The following SGMS1 variants were observed in gnomAD, a reference collection of about 807,000 sequenced individuals.
SGMS1 encodes sphingomyelin synthase 1, also known as phosphatidylcholine:ceramide cholinephosphotransferase 1.
SGMS1 carries 13 observed loss-of-function variants against 46.2 expected under a neutral mutation model. The observed-to-expected ratio is 0.28, with a 90% CI of 0.18 to 0.45. The LOEUF (loss-of-function observed/expected upper bound fraction) is 0.45, where lower values mean the gene tolerates loss of function less well. Ranked by LOEUF, SGMS1 falls within the 20% of genes least tolerant of loss-of-function variation. The probability of loss-of-function intolerance (pLI) is 1.00; values close to 1 mark genes in which losing one functional copy is unlikely to be tolerated. For missense variants in SGMS1, 324 were observed against 519.9 expected (o/e 0.62, Z 3.66); for synonymous variants, 203 against 187.8 (o/e 1.08, Z -0.66).
chr10:50,611,768 A>G (rs1398293746), intron 1 of SGMS1, among the ~76,000 whole-genome samples: 1 of 151,770 alleles, frequency 6.6e-6, no homozygotes, highest in African/African-American at 2.4e-5. Context: ...GTGCACCTTC[A>G]TCCCTGCCGC....
chr10:50,602,482 T>C (rs137915311), intron 1 of SGMS1, among the ~76,000 whole-genome samples: 7 of 152,260 alleles, frequency 4.6e-5, no homozygotes, highest in African/African-American at 1.2e-4. Flanking sequence ...TCTTTTTGTG[T>C]GTTATATCAG....
chr10:50,525,594 T>C (rs1413084934), intron 2 of SGMS1, among the ~76,000 whole-genome samples: 1 of 152,174 alleles, frequency 6.6e-6, no homozygotes, highest in Non-Finnish European at 1.5e-5. Context: ...CTACACTTCT[T>C]GGGAAAATTG....
intron 6 of SGMS1, among the ~76,000 whole-genome samples, chr10:50,344,870 C>CA (rs71856483): frequency 0.18 from 25,640 of 142,238 alleles, 2,435 homozygotes; most frequent in African/African-American, 0.27. Flanking sequence ...GATTCCTTCT[C>CA]AAAAAAAAAA....
chr10:50,413,493 A>G (rs1035647530), intron 6 of SGMS1, among the ~76,000 whole-genome samples: 4 of 152,252 alleles, frequency 2.6e-5, no homozygotes, highest in Non-Finnish European at 5.9e-5. Context: ...AAATACATAC[A>G]TTGAACTTGT....
chr10:50,411,996 G>C (rs1025053444), intron 6 of SGMS1, among the ~76,000 whole-genome samples: 1 of 152,178 alleles, frequency 6.6e-6, no homozygotes, highest in African/African-American at 2.4e-5. Context: ...TTTCATCTGT[G>C]CGCCAGTCAC....
chr10:50,446,157 C>G (rs1027405922), intron 5 of SGMS1, among the ~76,000 whole-genome samples: 1 of 152,078 alleles, frequency 6.6e-6, no homozygotes, highest in Non-Finnish European at 1.5e-5. Flanking sequence ...AATTTTGCCC[C>G]GGTCCTCTGA....
chr10:50,345,059 A>G (rs1847894038), intron 6 of SGMS1, among the ~76,000 whole-genome samples: 1 of 152,122 alleles, frequency 6.6e-6, no homozygotes, highest in Non-Finnish European at 1.5e-5. Flanking sequence ...AAAAATGTAC[A>G]TAACATACAG....
chr10:50,587,458 C>A (rs1838494799), intron 2 of SGMS1, among the ~76,000 whole-genome samples: 1 of 152,134 alleles, frequency 6.6e-6, no homozygotes, highest in South Asian at 2.1e-4. Context: ...TATGGTGAAA[C>A]CGTGTCTCTA....
intron 1 of SGMS1, among the ~76,000 whole-genome samples, chr10:50,621,706 C>T (rs538877973): frequency 2.0e-5 from 3 of 152,326 alleles, no homozygotes; most frequent in Non-Finnish European, 4.4e-5. Context: ...TTTCAAATAG[C>T]TCACTATCAT....
At chr10:50,598,988 A>G (rs1251971314) in intron 1 of SGMS1, among the ~76,000 whole-genome samples, 1 of 152,232 alleles carries the variant, frequency 6.6e-6, no homozygotes, top group Admixed American at 6.5e-5. Flanking sequence ...TCTGAATGGT[A>G]AAGTGAGGTG....
chr10:50,369,411 T>C (rs1040008817), intron 6 of SGMS1, among the ~76,000 whole-genome samples: 1 of 152,120 alleles, frequency 6.6e-6, no homozygotes, highest in East Asian at 1.9e-4. Flanking sequence ...GGCAGGAGGA[T>C]CCCTTGAGCC....
chr10:50,315,962 C>G (rs1416884029), intron 8 of SGMS1, among the ~76,000 whole-genome samples: 1 of 152,148 alleles, frequency 6.6e-6, no homozygotes, highest in African/African-American at 2.4e-5. Flanking sequence ...GAGGGAAAGG[C>G]TTTTGAATGA....
intron 2 of SGMS1, among the ~76,000 whole-genome samples, chr10:50,571,936 C>T (rs1050676264): frequency 2.0e-5 from 3 of 152,266 alleles, no homozygotes; most frequent in Admixed American, 6.5e-5. Context: ...CCATCTGTTT[C>T]AGAACCTGGG....
At chr10:50,469,736 C>A (rs527935165) in intron 3 of SGMS1, among the ~76,000 whole-genome samples, 1 of 152,080 alleles carries the variant, frequency 6.6e-6, no homozygotes, top group South Asian at 2.1e-4. Flanking sequence ...TCTGGTATAG[C>A]AATACTCGAA....
intron 6 of SGMS1, among the ~76,000 whole-genome samples, chr10:50,367,944 CA>C (rs769058919): frequency 1.4e-4 from 21 of 152,184 alleles, no homozygotes; most frequent in Non-Finnish European, 2.1e-4. Flanking sequence ...AAAATACCAC[CA>C]GGGGGCAACG....
chr10:50,489,516 C>T (rs1837550015), intron 3 of SGMS1, among the ~76,000 whole-genome samples: 1 of 152,190 alleles, frequency 6.6e-6, no homozygotes, highest in African/African-American at 2.4e-5. Context: ...TGTAAGCATC[C>T]AGTTCTGTCA....
rs1269887715 is a variant in SGMS1 at position 50,430,869 on chromosome 10, G to A, written c.-232+2607C>T. ...TGAAATGTATCGTCAAAAGCAACGA[G>A]TCCCAAGTATCTAGTAAACATATTT... is the stretch of plus-strand genomic sequence containing the variant. On this transcript the variant is annotated intron_variant, in intron 6 of 10. Transcript: ENST00000361781. 2.6e-5 allele frequency among the ~76,000 whole-genome samples: 4 copies of A among 151,964 alleles called. No homozygotes were observed. The East Asian group carries it at 5.8e-4, about 22-fold the overall frequency.
intron 6 of SGMS1, among the ~76,000 whole-genome samples, chr10:50,358,585 A>G (rs1450509353): frequency 6.6e-6 from 1 of 152,196 alleles, no homozygotes; most frequent in Admixed American, 6.5e-5. Flanking sequence ...GATACTCAGG[A>G]AGCTGAGGCA....
Position 50,306,621 on chromosome 10 carries a change from G to C in SGMS1, c.*521C>G, listed in dbSNP as rs954418437. ...AAACCCAAAGTTACCAAACCTTTCT[G>C]TGTCTATCATTTTTATTTGAATATC... On this transcript the variant is annotated 3_prime_UTR_variant, in exon 11 of 11. Transcript: ENST00000361781. 14 of 152,642 alleles carry C rather than the reference G, an allele frequency of 9.2e-5. No homozygotes were observed. Among genetic ancestry groups the C allele is most frequent in the African/African-American group, 3.1e-4 (13 of 41,392 alleles). The allele number at this position is 152,642 out of a possible 1,614,324, so 9.5% of individuals were successfully genotyped here. A position where few individuals can be genotyped will look rare whatever the true frequency, so the allele number is the denominator to read the frequency against.
Sources: gnomAD v4.1 joint callset for allele counts (sites outside exome capture counted in the v4.1 genomes callset) on GRCh38, gnomAD v4.1.1 for gene constraint, MANE v1.5 for transcripts, NCBI Gene and HGNC (gene_info 2026-07-23, HGNC 2026-07-21) for gene names.